Variants in ACYP2 observed in about 807,000 individuals in gnomAD.
ACYP2 encodes the protein acylphosphatase 2.
ACYP2 carries 12 observed loss-of-function variants against 11.2 expected under a neutral mutation model. The observed-to-expected ratio is 1.08, with a 90% confidence interval of 0.69 to 1.74. The LOEUF (loss-of-function observed/expected upper bound fraction) is 1.74. Ranked by LOEUF, ACYP2 falls within the 40% of genes most tolerant of loss-of-function variation. ACYP2 has a pLI of 0.00. For missense variants in ACYP2, 134 were observed against 101.9 expected (o/e 1.31, Z -1.35); for synonymous variants, 43 against 32.2 (o/e 1.33, Z -1.13).
intron 6 of ACYP2, among the ~76,000 whole-genome samples, chr2:54,217,826 T>A (rs6723496): frequency 0.012 from 1,773 of 152,286 alleles, 29 homozygotes; most frequent in African/African-American, 0.041. Context: ...GAGTAGAGAA[T>A]AGCATGATAA....
chr2:54,301,601 T>C (rs1689730248), intron 6 of ACYP2, among the ~76,000 whole-genome samples: 1 of 152,198 alleles, frequency 6.6e-6, no homozygotes, highest in African/African-American at 2.4e-5. Context: ...CTAGTACTGT[T>C]TGATTATGTG....
At chr2:54,069,458 C>T (rs1438388562) in intron 4 of ACYP2, among the ~76,000 whole-genome samples, 2 of 151,898 alleles carry the variant, frequency 1.3e-5, no homozygotes, top group Non-Finnish European at 2.9e-5. Flanking sequence ...GTTAGGAGAT[C>T]AAGACCATCT....
At chr2:54,052,284 G>A (rs187966777) in intron 3 of ACYP2, among the ~76,000 whole-genome samples, 29 of 151,974 alleles carry the variant, frequency 1.9e-4, no homozygotes, top group African/African-American at 4.3e-4. Context: ...AAACTATACC[G>A]TGTCATTTTT....
chr2:54,044,455 A>T (rs1443593438), intron 2 of ACYP2, among the ~76,000 whole-genome samples: 2 of 151,860 alleles, frequency 1.3e-5, no homozygotes, highest in African/African-American at 4.8e-5. Flanking sequence ...AGAAAAAAAA[A>T]AAAAGCCAAG....
chr2:54,092,587 G>C (rs1320182878), intron 4 of ACYP2, among the ~76,000 whole-genome samples: 1 of 152,214 alleles, frequency 6.6e-6, no homozygotes, highest in Non-Finnish European at 1.5e-5. Flanking sequence ...TCTAGAATTG[G>C]TAGTGGAAGA....
intron 2 of ACYP2, among the ~76,000 whole-genome samples, chr2:54,007,681 A>C (rs1673151395): frequency 6.6e-6 from 1 of 152,230 alleles, no homozygotes. Context: ...TCTGGCCAAC[A>C]TGCGGAAACC....
chr2:54,109,095 G>A (rs765961473), intron 4 of ACYP2, among the ~76,000 whole-genome samples: 7 of 152,060 alleles, frequency 4.6e-5, no homozygotes, highest in South Asian at 2.1e-4. Context: ...GGGTTGCCTC[G>A]AAATTTAAAT....
chr2:54,046,895 C>G (rs1214053650), intron 2 of ACYP2, among the ~76,000 whole-genome samples: 2 of 152,156 alleles, frequency 1.3e-5, no homozygotes, highest in East Asian at 1.9e-4. Flanking sequence ...GGTTCAAATC[C>G]AAGTTCTACC....
At chr2:54,201,638 C>CTTTTTTCTTTCTTTCTTTCTTTGTTTCTT (rs1558608826) in intron 6 of ACYP2, among the ~76,000 whole-genome samples, 2 of 59,774 alleles carry the variant, frequency 3.3e-5, no homozygotes, top group African/African-American at 1.4e-4. Flanking sequence ...CTTTCTTTCT[C>CTTTTTTCTTTCTTTCTTTCTTTGTTTCTT]TTTCTTTCTT....
intron 6 of ACYP2, among the ~76,000 whole-genome samples, chr2:54,304,459 A>AATTGACTG (rs750982623): frequency 5.9e-5 from 9 of 152,088 alleles, no homozygotes; most frequent in Non-Finnish European, 7.4e-5. Context: ...AATCATCAGG[A>AATTGACTG]ATTGACTGTG....
intron 2 of ACYP2, among the ~76,000 whole-genome samples, chr2:54,017,390 G>T (rs1673757020): frequency 6.6e-6 from 1 of 151,558 alleles, no homozygotes; most frequent in African/African-American, 2.4e-5. Context: ...AGGTAGGTGG[G>T]ATTATAGGTG....
intron 6 of ACYP2, among the ~76,000 whole-genome samples, chr2:54,274,757 A>C (rs1261790022): frequency 6.6e-6 from 1 of 152,180 alleles, no homozygotes; most frequent in East Asian, 1.9e-4. Flanking sequence ...TTATATAAAA[A>C]GAAGCATGGG....
rs1037636106 is a variant in ACYP2 at position 54,304,929 on chromosome 2, C to T, written c.*127C>T. 10 of 444,016 alleles carry T rather than the reference C, an allele frequency of 2.3e-5. No homozygotes were observed. Among genetic ancestry groups the T allele is most frequent in the East Asian group, 1.0e-4 (3 of 29,844 alleles). 27.5% of individuals were successfully genotyped at this position (444,016 alleles called of 1,614,324 possible). A position where few individuals can be genotyped will look rare whatever the true frequency, so the allele number is the denominator to read the frequency against. ...CTGTTCTGAAAGCTAAGCGACTGTA[C>T]GTGCTACTAAAAATGTCTGACACTG... is the stretch of plus-strand genomic sequence containing the variant. On this transcript the variant is annotated 3_prime_UTR_variant, in exon 7 of 7. Transcript: ENST00000607452.
At chr2:54,063,279 C>T (rs1323546856) in intron 4 of ACYP2, among the ~76,000 whole-genome samples, 3 of 152,136 alleles carry the variant, frequency 2.0e-5, no homozygotes, top group Non-Finnish European at 4.4e-5. Context: ...AGCCACTGCA[C>T]CTGGCCATAA....
chr2:54,216,631 G>T (rs1326571492), intron 6 of ACYP2, among the ~76,000 whole-genome samples: 2 of 151,458 alleles, frequency 1.3e-5, no homozygotes, highest in African/African-American at 4.9e-5. Flanking sequence ...TCAGCCTCCT[G>T]AGTTCAAGCG....
intron 6 of ACYP2, 116 bp downstream of exon 3, chr2:54,138,864 C>T (rs538915607): frequency 2.6e-6 from 2 of 769,014 alleles, no homozygotes; most frequent in Non-Finnish European, 4.3e-6. Flanking sequence ...ACAATCTCGG[C>T]TCACTACAAC....
intron 6 of ACYP2, among the ~76,000 whole-genome samples, chr2:54,275,436 T>G (rs1688511769): frequency 6.6e-6 from 1 of 152,212 alleles, no homozygotes; most frequent in Non-Finnish European, 1.5e-5. Flanking sequence ...ATCAGTATGC[T>G]GGCAACAGTC....
intron 6 of ACYP2, among the ~76,000 whole-genome samples, chr2:54,203,888 T>C (rs1171395806): frequency 2.0e-5 from 3 of 152,198 alleles, no homozygotes; most frequent in Non-Finnish European, 4.4e-5. Flanking sequence ...TTATAGATTA[T>C]ATTAAGCTTG....
chr2:54,252,794 C>T (rs1687288050), intron 6 of ACYP2, among the ~76,000 whole-genome samples: 2 of 151,986 alleles, frequency 1.3e-5, no homozygotes, highest in African/African-American at 4.8e-5. Context: ...GTCCCAGCTA[C>T]TCGGGAGGCT....
Sources: gnomAD v4.1 joint callset for allele counts (sites outside exome capture counted in the v4.1 genomes callset) on GRCh38, gnomAD v4.1.1 for gene constraint, MANE v1.5 for transcripts, NCBI Gene and HGNC (gene_info 2026-07-23, HGNC 2026-07-21) for gene names.